SLC4A7: variants seen among roughly 807,000 people sequenced by gnomAD.
SLC4A7 encodes solute carrier family 4 member 7.
A neutral mutation model predicts 137.6 loss-of-function variants in SLC4A7; 51 were observed. That is an observed-to-expected ratio of 0.37 (90% CI 0.30 to 0.47). SLC4A7 has a LOEUF of 0.47. Ranked by LOEUF, SLC4A7 falls within the 20% of genes least tolerant of loss-of-function variation. The probability of loss-of-function intolerance (pLI) is 1.00; values close to 1 mark genes in which losing one functional copy is unlikely to be tolerated. For missense variants in SLC4A7, 1,247 were observed against 1,525.4 expected (o/e 0.82, Z 3.04); for synonymous variants, 542 against 518.6 (o/e 1.05, Z -0.61).
intron 3 of SLC4A7, among the ~76,000 whole-genome samples, chr3:27,446,875 G>GTTTTTTTTTTTTT: frequency 1.1e-5 from 1 of 91,186 alleles, no homozygotes; most frequent in Non-Finnish European, 2.3e-5. Context: ...GTTTTTTTTT[G>GTTTTTTTTTTTTT]TTTTTTTTTG....
Position 27,383,232 on chromosome 3 carries a change from G to A in SLC4A7, c.3511C>T (p.Gln1171Ter). 1.9e-6 allele frequency: 3 copies of A among 1,610,820 alleles called. No individual in the cohort carries two copies. The highest frequency in any genetic ancestry group is 2.5e-6 in the Non-Finnish European group (3 of 1,177,764). Residue 1171 changes from glutamine to a stop codon, truncating the protein, a stop_gained, in exon 24 of 26, where the codon CAA becomes TAA. Transcript: ENST00000454389. LOFTEE classifies it high-confidence loss of function. Reference sequence around the variant, plus strand: ...AGGTGCACAGTATCATCATCATCTTGAAGCATCCGTTCAGCTTCCTTTATA... The same window carrying A: ...AGGTGCACAGTATCATCATCATCTTAAAGCATCCGTTCAGCTTCCTTTATA... ...KEKEEAERMLQDDDDTVHLPF... is the reference protein window; with the variant it reads ...KEKEEAERML
At chr3:27,450,595 T>C (rs2058008862) in intron 2 of SLC4A7, among the ~76,000 whole-genome samples, 2 of 152,118 alleles carry the variant, frequency 1.3e-5, no homozygotes, top group African/African-American at 2.4e-5. Context: ...TTAGTACTAA[T>C]GGGTCTTGGC....
At chr3:27,415,924 C>G (rs1274109576) in intron 11 of SLC4A7, among the ~76,000 whole-genome samples, 1 of 152,200 alleles carries the variant, frequency 6.6e-6, no homozygotes, top group Non-Finnish European at 1.5e-5. Context: ...TTTCTTTTTA[C>G]AATGATCCTT....
chr3:27,451,944 G>A (rs2058098808), intron 2 of SLC4A7, among the ~76,000 whole-genome samples: 1 of 152,028 alleles, frequency 6.6e-6, no homozygotes, highest in Non-Finnish European at 1.5e-5. Flanking sequence ...CCATTTGCCA[G>A]GACTTCTTCC....
chr3:27,481,966 T>C (rs6776318), intron 1 of SLC4A7, among the ~76,000 whole-genome samples: 28,234 of 151,934 alleles, frequency 0.19, 2,986 homozygotes, highest in Non-Finnish European at 0.25. Context: ...AAATCCCATC[T>C]CTACTAAAAA....
At chr3:27,460,689 G>A (rs2058651460) in intron 1 of SLC4A7, among the ~76,000 whole-genome samples, 2 of 152,172 alleles carry the variant, frequency 1.3e-5, no homozygotes, top group African/African-American at 4.8e-5. Context: ...TGAGAAATAT[G>A]CTTCACGATG....
intron 1 of SLC4A7, among the ~76,000 whole-genome samples, chr3:27,465,126 T>C (rs952902442): frequency 2.0e-5 from 3 of 151,888 alleles, no homozygotes; most frequent in African/African-American, 2.4e-5. Context: ...GGTGAAACCC[T>C]GGTTTCTACC....
intron 11 of SLC4A7, among the ~76,000 whole-genome samples, chr3:27,412,964 T>A (rs1576303134): frequency 6.6e-6 from 1 of 152,002 alleles, no homozygotes; most frequent in East Asian, 1.9e-4. Context: ...AGGAATGAAA[T>A]AAAACAGCTA....
intron 3 of SLC4A7, among the ~76,000 whole-genome samples, chr3:27,439,187 A>T (rs1056432616): frequency 6.6e-6 from 1 of 152,208 alleles, no homozygotes; most frequent in African/African-American, 2.4e-5. Flanking sequence ...TGTTTTCGTA[A>T]AAGTCAGATC....
chr3:27,439,067 T>C (rs1475617895), intron 3 of SLC4A7, among the ~76,000 whole-genome samples: 2 of 152,198 alleles, frequency 1.3e-5, no homozygotes, highest in Admixed American at 6.5e-5. Flanking sequence ...TTACCCTGAA[T>C]ATGAGAGATG....
chr3:27,432,908 T>C (rs1046718483), intron 6 of SLC4A7, among the ~76,000 whole-genome samples: 8 of 152,304 alleles, frequency 5.3e-5, no homozygotes, highest in East Asian at 1.9e-4. Context: ...GCGCTATACA[T>C]TGGCTTGTTT....
chr3:27,417,333 G>T (rs932940733), intron 11 of SLC4A7, among the ~76,000 whole-genome samples: 1 of 152,082 alleles, frequency 6.6e-6, no homozygotes, highest in African/African-American at 2.4e-5. Context: ...ACCTCCAAAG[G>T]ATCAATGAAC....
chr3:27,422,435 T>C, intron 8 of SLC4A7, among the ~76,000 whole-genome samples: 1 of 152,072 alleles, frequency 6.6e-6, no homozygotes, highest in Admixed American at 6.6e-5. Context: ...GCCTGGCTAA[T>C]TTTTGTTGTT....
intron 1 of SLC4A7, among the ~76,000 whole-genome samples, chr3:27,465,070 G>A (rs1173801825): frequency 6.6e-6 from 1 of 152,010 alleles, no homozygotes; most frequent in African/African-American, 2.4e-5. Flanking sequence ...GGCCAAGGTG[G>A]GCGGATTGCC....
chr3:27,472,656 T>C (rs1250904168), intron 1 of SLC4A7, among the ~76,000 whole-genome samples: 1 of 152,152 alleles, frequency 6.6e-6, no homozygotes, highest in Non-Finnish European at 1.5e-5. Context: ...GCCTCACACC[T>C]CCAATATGAA....
chr3:27,419,667 AG>A (rs1559716534), intron 10 of SLC4A7, among the ~76,000 whole-genome samples: 1 of 151,734 alleles, frequency 6.6e-6, no homozygotes, highest in Non-Finnish European at 1.5e-5. Context: ...ACTATATGAT[AG>A]GAAGTCATTA....
intron 16 of SLC4A7, among the ~76,000 whole-genome samples, chr3:27,398,955 T>C (rs947938570): frequency 6.6e-6 from 1 of 150,458 alleles, no homozygotes; most frequent in Admixed American, 6.6e-5. Context: ...AACGTAATAA[T>C]ATAGCATAAT....
Position 27,443,464 on chromosome 3 carries a change from G to C in SLC4A7, c.289+5187C>G, listed in dbSNP as rs541462599. Among the ~76,000 whole-genome samples the C allele has an allele frequency of 4.6e-5, 7 of 151,978 alleles. No homozygotes were observed. The East Asian group carries it at 9.7e-4, about 21-fold the overall frequency. On this transcript the variant is annotated intron_variant, in intron 3 of 25. Transcript: ENST00000454389. ...TTAATAATCTTTTTTCAACGTACTA[G>C]ATTTAGGTTTGATTGAGGTCTGCTA... is the stretch of plus-strand genomic sequence containing the variant.
intron 1 of SLC4A7, among the ~76,000 whole-genome samples, chr3:27,477,325 G>A (rs2059501851): frequency 6.6e-6 from 1 of 152,170 alleles, no homozygotes; most frequent in Non-Finnish European, 1.5e-5. Flanking sequence ...AGCCTGCTCT[G>A]AACAATGCAT....
Sources: allele counts gnomAD v4.1 joint callset (sites outside exome capture counted in the v4.1 genomes callset), GRCh38; gene constraint gnomAD v4.1.1; transcripts MANE v1.5; gene names NCBI Gene and HGNC (gene_info 2026-07-23, HGNC 2026-07-21).